Variants in MLPH observed in about 807,000 individuals in gnomAD.
MLPH encodes the protein exophilin-3.
A neutral mutation model predicts 72.1 loss-of-function variants in MLPH; 51 were observed. The ratio of observed to expected loss-of-function variants is 0.71; its 90% CI spans 0.56 to 0.89. MLPH has a LOEUF of 0.89. MLPH is among the 40% of genes least tolerant of loss of function. The pLI is 0.00. For missense variants in MLPH, 743 were observed against 759.9 expected, an observed-to-expected ratio of 0.98 and a Z score of 0.26; for synonymous variants, 301 against 310.1, an observed-to-expected ratio of 0.97 and a Z score of 0.31.
chr2:237,519,963 C>T lies in MLPH; in HGVS notation c.609C>T (p.Asp203=), dbSNP rs1020930344. The part of the protein sequence containing the change: ...HDFDFEGDSD[D]STQPQGHSLH... ...TCGACTTCGAGGGAGACTCAGATGA[C>T]TCCACTCAGCCTCAAGGTCACTCCC... The change falls in exon 6 of 16, where the codon GAC becomes GAT. Residue 203 remains aspartate, a synonymous_variant. Transcript: ENST00000264605. The T allele has an allele frequency of 8.1e-6, 13 of 1,614,070 alleles. No individual in the cohort carries two copies. Among genetic ancestry groups the T allele is most frequent in the African/African-American group, 1.3e-5 (1 of 75,036 alleles).
At chr2:237,520,274 A>G (rs2080152050) in intron 6 of MLPH, among the ~76,000 whole-genome samples, 1 of 152,118 alleles carries the variant, frequency 6.6e-6, no homozygotes, top group South Asian at 2.1e-4. Flanking sequence ...GGGGCGATGC[A>G]GGGCCCTGAG....
At chr2:237,506,310 G>A (rs1559341192) in intron 2 of MLPH, among the ~76,000 whole-genome samples, 1 of 152,220 alleles carries the variant, frequency 6.6e-6, no homozygotes, top group Non-Finnish European at 1.5e-5. Context: ...AAATCAGAGT[G>A]TGAGTAAGGT....
intron 9 of MLPH, among the ~76,000 whole-genome samples, chr2:237,537,317 A>G (rs1427127756): frequency 6.6e-6 from 1 of 152,126 alleles, no homozygotes; most frequent in East Asian, 1.9e-4. Flanking sequence ...CTGGCTTACA[A>G]AGCGAAGACA....
At chr2:237,551,615 C>G (rs187461068) in intron 14 of MLPH, among the ~76,000 whole-genome samples, 2 of 152,330 alleles carry the variant, frequency 1.3e-5, no homozygotes, top group Non-Finnish European at 2.9e-5. Context: ...ACAGCCATGG[C>G]CCCAGGAGGT....
intron 2 of MLPH, among the ~76,000 whole-genome samples, chr2:237,506,273 G>GT (rs755689950): frequency 1.3e-5 from 2 of 152,128 alleles, no homozygotes; most frequent in Non-Finnish European, 2.9e-5. Flanking sequence ...TATAAATACA[G>GT]TTTTTATAAA....
chr2:237,502,649 AC>A (rs2079676156), intron 2 of MLPH, among the ~76,000 whole-genome samples: 1 of 152,134 alleles, frequency 6.6e-6, no homozygotes, highest in Non-Finnish European at 1.5e-5. Context: ...CAAACGGAAC[AC>A]CCTGTTTTAA....
At chr2:237,543,025 G>GGGGGACAGTGGTGAGT (rs2080753068) in intron 12 of MLPH, among the ~76,000 whole-genome samples, 1 of 64,552 alleles carries the variant, frequency 1.5e-5, no homozygotes, top group Non-Finnish European at 2.9e-5. Flanking sequence ...GTGGTGAGTT[G>GGGGGACAGTGGTGAGT]GGGGACAGTA....
At chr2:237,513,005 C>T (rs1182213458) in intron 4 of MLPH, among the ~76,000 whole-genome samples, 1 of 152,004 alleles carries the variant, frequency 6.6e-6, no homozygotes, top group Non-Finnish European at 1.5e-5. Flanking sequence ...CCCCCAAGCG[C>T]CCACAGGGGC....
At chr2:237,537,583 T>A (rs1219923285) in intron 9 of MLPH, 6 of 152,256 alleles carry the variant, frequency 3.9e-5, no homozygotes, top group Non-Finnish European at 8.8e-5. Flanking sequence ...CGGAAAAGCA[T>A]ACTGGCTAAA....
At position 237,487,684 on chromosome 2, in the gene MLPH, G is replaced by A. The variant is rs191639563; in HGVS notation, c.-25+247G>A. 6.8e-4 allele frequency among the ~76,000 whole-genome samples: 103 copies of A among 152,366 alleles called. 1 individual carries two copies. Among genetic ancestry groups the A allele is most frequent in the African/African-American group, 2.3e-3 (94 of 41,590 alleles). ...TGGGTGCAGGCACGGGTGGGAGTGG[G>A]ATGGCGGGGGATCCCCATTTTGGGC... On this transcript the variant is annotated intron_variant, in intron 1 of 15. Transcript: ENST00000264605.
intron 8 of MLPH, among the ~76,000 whole-genome samples, chr2:237,531,310 G>GGTGGCCAGGATAGAGACCTCTCTGGT (rs2080416308): frequency 6.6e-6 from 1 of 151,860 alleles, no homozygotes; most frequent in Non-Finnish European, 1.5e-5. Flanking sequence ...GGAGGACTAG[G>GGTGGCCAGGATAGAGACCTCTCTGGT]GTGGCCAGGA....
rs1004860874 is a variant in MLPH, at chr2:237,540,624, G to A, written c.1290+91G>A. 6 of 1,525,514 alleles carry A rather than the reference G, an allele frequency of 3.9e-6. No individual in the cohort carries two copies. The African/African-American group carries it at 8.3e-5, about 21-fold the overall frequency. 94.5% of individuals were successfully genotyped at this position (1,525,514 alleles called of 1,614,324 possible). Reference sequence around the variant, plus strand: ...AGCTGGCAGCCACCCTCCCCAGGGAGGCAGCACCCACAGGAGCACACCAAG... The same window carrying A: ...AGCTGGCAGCCACCCTCCCCAGGGAAGCAGCACCCACAGGAGCACACCAAG... On this transcript the variant is annotated intron_variant, in intron 10 of 15. Coordinates refer to ENST00000264605, the MANE Select transcript of MLPH (RefSeq NM_024101.7).
At chr2:237,524,240 G>A (rs1053393207) in intron 6 of MLPH, among the ~76,000 whole-genome samples, 2 of 150,016 alleles carry the variant, frequency 1.3e-5, no homozygotes, top group East Asian at 1.9e-4. Flanking sequence ...GATTATTTCC[G>A]CCCTACAGGA....
chr2:237,506,674 C>T (rs192198005), intron 2 of MLPH, among the ~76,000 whole-genome samples: 3 of 152,334 alleles, frequency 2.0e-5, no homozygotes, highest in African/African-American at 7.2e-5. Flanking sequence ...GATAACATAA[C>T]TGATTAGGTC....
intron 15 of MLPH, among the ~76,000 whole-genome samples, chr2:237,552,859 G>A (rs749107442): frequency 9.9e-5 from 15 of 152,210 alleles, no homozygotes; most frequent in Non-Finnish European, 1.5e-4. Context: ...TCACCCCTGT[G>A]TGTGTGTGTA....
chr2:237,545,359 G>A (rs558373419), intron 12 of MLPH: 15 of 1,031,512 alleles, frequency 1.5e-5, no homozygotes, highest in Middle Eastern at 2.9e-4. Flanking sequence ...CTCCCTTCCC[G>A]TGAACATCCG....
In MLPH at chr2:237,542,640, G is replaced by A. The variant is rs763532827; in HGVS notation, c.1520G>A (p.Arg507Gln). 25 of 1,588,564 alleles carry A rather than the reference G, an allele frequency of 1.6e-5. No individual in the cohort carries two copies. The highest frequency in any genetic ancestry group is 4.5e-5 in the East Asian group (2 of 43,958). The part of the protein sequence containing the change: ...GLTVKPSGKP[R>Q]RKSNLPIFLP... ...ACGGTGAAGCCCTCGGGAAAGCCCC[G>A]GAGGAAGTCAAACCTCCCGGTGAGT... Residue 507 changes from arginine to glutamine, a missense_variant, in exon 12 of 16, where the codon CGG becomes CAG. Coordinates refer to ENST00000264605, the MANE Select transcript of MLPH (RefSeq NM_024101.7).
intron 2 of MLPH, among the ~76,000 whole-genome samples, chr2:237,502,911 G>A (rs2079681832): frequency 6.6e-6 from 1 of 152,110 alleles, no homozygotes; most frequent in African/African-American, 2.4e-5. Flanking sequence ...CTGAGGTCAG[G>A]AGTTCGAGAC....
chr2:237,490,307 C>G (rs1374830016), intron 1 of MLPH, among the ~76,000 whole-genome samples: 1 of 151,090 alleles, frequency 6.6e-6, no homozygotes, highest in Non-Finnish European at 1.5e-5. Flanking sequence ...GCAGCCTGAG[C>G]GACAGACCAG....
Sources: allele counts gnomAD v4.1 joint callset (sites outside exome capture counted in the v4.1 genomes callset), GRCh38; gene constraint gnomAD v4.1.1; transcripts MANE v1.5; gene names NCBI Gene and HGNC (gene_info 2026-07-23, HGNC 2026-07-21).